Variants in FGF14 observed in about 807,000 individuals in gnomAD.
FGF14 encodes the protein fibroblast growth factor 14.
In FGF14, 5 loss-of-function variants were observed where a neutral mutation model predicts 25.5. The ratio of observed to expected loss-of-function variants is 0.20; its 90% CI spans 0.10 to 0.41. The LOEUF (loss-of-function observed/expected upper bound fraction) is 0.41, where lower values mean the gene tolerates loss of function less well. FGF14 is among the 10% of genes least tolerant of loss of function. The pLI is 1.00. For missense variants in FGF14, 222 were observed against 320.1 expected, an observed-to-expected ratio of 0.69 and a Z score of 2.34; for synonymous variants, 138 against 118.3, an observed-to-expected ratio of 1.17 and a Z score of -1.08.
intron 1 of FGF14, among the ~76,000 whole-genome samples, chr13:102,264,718 G>A (rs2052899824): frequency 6.6e-6 from 1 of 152,200 alleles, no homozygotes; most frequent in South Asian, 2.1e-4. Flanking sequence ...CAAGAGGGGA[G>A]TGGTTATTTA....
chr13:102,287,213 G>T (rs944765450), intron 1 of FGF14, among the ~76,000 whole-genome samples: 3 of 152,166 alleles, frequency 2.0e-5, no homozygotes, highest in Admixed American at 6.5e-5. Flanking sequence ...GTAACTCAAG[G>T]CTACAGTCCC....
intron 3 of FGF14, among the ~76,000 whole-genome samples, chr13:101,836,288 C>T (rs1162186619): frequency 6.6e-6 from 1 of 152,038 alleles, no homozygotes; most frequent in Admixed American, 6.6e-5. Flanking sequence ...ACTGTATGCT[C>T]TCATTTTCCT....
At chr13:101,808,955 C>T (rs149294368) in intron 3 of FGF14, among the ~76,000 whole-genome samples, 59 of 152,112 alleles carry the variant, frequency 3.9e-4, no homozygotes, top group African/African-American at 1.1e-3. Flanking sequence ...CTGGATACAC[C>T]GCTGTTGAAT....
At chr13:102,344,310 A>C (rs1357445350) in intron 1 of FGF14, among the ~76,000 whole-genome samples, 1 of 152,240 alleles carries the variant, frequency 6.6e-6, no homozygotes, top group Non-Finnish European at 1.5e-5. Context: ...ATCTGAATTA[A>C]AATAGAACTG....
chr13:102,293,704 A>T (rs2054548029), intron 1 of FGF14: 1 of 152,230 alleles, frequency 6.6e-6, no homozygotes, highest in Non-Finnish European at 1.5e-5. Flanking sequence ...CTCATGTTTT[A>T]TAACATTTTA....
intron 1 of FGF14, among the ~76,000 whole-genome samples, chr13:101,996,160 AAAAT>A (rs1192476592): frequency 5.9e-5 from 9 of 152,208 alleles, no homozygotes; most frequent in African/African-American, 2.2e-4. Flanking sequence ...ATTAAAAATA[AAAAT>A]AAATAAAATC....
intron 1 of FGF14, among the ~76,000 whole-genome samples, chr13:101,904,803 A>C (rs2032030166): frequency 6.6e-6 from 1 of 152,224 alleles, no homozygotes; most frequent in South Asian, 2.1e-4. Context: ...GGGCATTTCT[A>C]ATGATAAAAA....
At chr13:101,943,830 T>TATATATATATATATATACACAC (rs2035622255) in intron 1 of FGF14, among the ~76,000 whole-genome samples, 2 of 140,416 alleles carry the variant, frequency 1.4e-5, no homozygotes, top group African/African-American at 5.6e-5. Context: ...AAAAAAAATA[T>TATATATATATATATATACACAC]ATATATATAT....
chr13:102,354,011 A>G, intron 1 of FGF14: 1 of 167,966 alleles, frequency 6.0e-6, no homozygotes, highest in Non-Finnish European at 1.2e-5. Flanking sequence ...AAAATCACTA[A>G]GCCAAAGGGA....
chr13:101,959,295 C>T (rs140611422), intron 1 of FGF14, among the ~76,000 whole-genome samples: 6 of 152,222 alleles, frequency 3.9e-5, no homozygotes, highest in African/African-American at 7.2e-5. Context: ...AGGGTTGGAA[C>T]CTCTGCTCTA....
At chr13:101,999,324 C>T (rs2039355590) in intron 1 of FGF14, among the ~76,000 whole-genome samples, 2 of 152,096 alleles carry the variant, frequency 1.3e-5, no homozygotes. Context: ...TGTGTAGAGA[C>T]TGGGTTAAAG....
At chr13:101,972,299 G>C (rs1204183008) in intron 1 of FGF14, among the ~76,000 whole-genome samples, 2 of 152,342 alleles carry the variant, frequency 1.3e-5, no homozygotes, top group Admixed American at 6.5e-5. Context: ...ATGAGGCACA[G>C]TGAATGACTA....
chr13:101,988,917 T>C (rs2038747579), intron 1 of FGF14, among the ~76,000 whole-genome samples: 1 of 152,100 alleles, frequency 6.6e-6, no homozygotes, highest in Non-Finnish European at 1.5e-5. Context: ...TTTGTTTGTT[T>C]TTTTACCCAC....
chr13:102,065,599 G>A (rs1054124841), intron 1 of FGF14, among the ~76,000 whole-genome samples: 1 of 151,912 alleles, frequency 6.6e-6, no homozygotes, highest in Non-Finnish European at 1.5e-5. Context: ...TAAAATTAAG[G>A]CATTTTCTAT....
intron 1 of FGF14, among the ~76,000 whole-genome samples, chr13:102,139,056 G>A (rs568048994): frequency 1.3e-5 from 2 of 152,300 alleles, no homozygotes; most frequent in South Asian, 4.1e-4. Context: ...CAAGTTCCAT[G>A]TAAACAATGT....
intron 3 of FGF14, among the ~76,000 whole-genome samples, chr13:101,837,461 T>C (rs530462210): frequency 6.6e-6 from 1 of 152,238 alleles, no homozygotes; most frequent in East Asian, 1.9e-4. Flanking sequence ...GTGGAAAACC[T>C]TACAATCAAG....
Position 102,352,289 on chromosome 13 carries a change from A to C in FGF14, c.208+49182T>G, listed in dbSNP as rs186547578. 1.6e-3 allele frequency among the ~76,000 whole-genome samples: 227 copies of C among 137,762 alleles called. 1 individual carries two copies. The highest frequency in any genetic ancestry group is 6.0e-3 in the African/African-American group (220 of 36,850). 90.4% of individuals were successfully genotyped at this position (137,762 alleles called of 152,430 possible). On this transcript the variant is annotated intron_variant, in intron 1 of 4. Transcript: ENST00000376131. ...CACACACACACACACACACACACAC[A>C]CCTGCAACATTCATTTGAAAATTGA...
intron 1 of FGF14, among the ~76,000 whole-genome samples, chr13:102,099,362 T>G (rs1457809351): frequency 6.6e-6 from 1 of 152,222 alleles, no homozygotes; most frequent in African/African-American, 2.4e-5. Flanking sequence ...CGCTAAGCAC[T>G]GTTCTTTAAA....
intron 1 of FGF14, among the ~76,000 whole-genome samples, chr13:101,933,703 A>G (rs1259761405): frequency 1.3e-5 from 2 of 152,230 alleles, no homozygotes; most frequent in African/African-American, 4.8e-5. Context: ...CAGCCTGGAC[A>G]ACAGAGTGAG....
Sources: gnomAD v4.1 joint callset for allele counts (sites outside exome capture counted in the v4.1 genomes callset) on GRCh38, gnomAD v4.1.1 for gene constraint, MANE v1.5 for transcripts, NCBI Gene and HGNC (gene_info 2026-07-23, HGNC 2026-07-21) for gene names.